The following C22orf31 variants were observed in gnomAD, a reference collection of about 807,000 sequenced individuals.
C22orf31 encodes chromosome 22 open reading frame 31.
Under a neutral mutation model 15.0 loss-of-function variants are expected in C22orf31, and 11 were observed. The ratio of observed to expected loss-of-function variants is 0.73; its 90% CI spans 0.46 to 1.21. The LOEUF (loss-of-function observed/expected upper bound fraction) is 1.21. Among genes scored for constraint, C22orf31 ranks in the 50% most tolerant of loss-of-function variants. C22orf31 has a pLI of 0.00. For synonymous variants in C22orf31, 132 were observed against 133.3 expected (o/e 0.99, Z 0.07); for missense variants, 340 against 347.2 (o/e 0.98, Z 0.17).
chr22:29,072,047 G>A, the C22orf31 span, among the ~76,000 whole-genome samples: 1 of 152,208 alleles, frequency 6.6e-6, no homozygotes, highest in African/African-American at 2.4e-5. Context: ...GGGTCAGTAT[G>A]TGGCTGCAAA....
chr22:29,059,327 G>C, intron 2 of C22orf31, 145 bp from the exon 3 acceptor site: 1 of 667,138 alleles, frequency 1.5e-6, no homozygotes, highest in Non-Finnish European at 2.5e-6. Context: ...ATTCCTTTAT[G>C]TACATACCAC....
chr22:29,068,071 TATCAAAC>T, the C22orf31 span, among the ~76,000 whole-genome samples: 4 of 67,024 alleles, frequency 6.0e-5, no homozygotes, highest in Non-Finnish European at 1.3e-4. Context: ...ATATCAAACA[TATCAAAC>T]CCCGTCTTTT....
intron 2 of C22orf31, chr22:29,059,956 T>C (rs2123898303): frequency 9.1e-6 from 9 of 984,242 alleles, no homozygotes; most frequent in Non-Finnish European, 1.1e-5. Flanking sequence ...ATGCTACACC[T>C]CCTCCCCACA....
At chr22:29,061,910 A>G (rs1364634617), upstream of C22orf31, 1 of 846,338 alleles carries the variant, frequency 1.2e-6, no homozygotes, top group East Asian at 2.7e-5. Flanking sequence ...ATTTCTAGTC[A>G]CCTGTCTTTC....
chr22:29,069,540 T>A, the C22orf31 span, among the ~76,000 whole-genome samples: 1 of 152,168 alleles, frequency 6.6e-6, no homozygotes, highest in Non-Finnish European at 1.5e-5. Flanking sequence ...GTGTCCTCAC[T>A]CTTTCCATGA....
At chr22:29,068,372 G>A in the C22orf31 span, among the ~76,000 whole-genome samples, 1 of 150,500 alleles carries the variant, frequency 6.6e-6, no homozygotes, top group Non-Finnish European at 1.5e-5. Flanking sequence ...TTACAGGCAC[G>A]AGCCATCCTG....
At chr22:29,069,502 C>A in the C22orf31 span, among the ~76,000 whole-genome samples, 27 of 152,180 alleles carry the variant, frequency 1.8e-4, no homozygotes, top group Non-Finnish European at 2.2e-4. Context: ...ACACCAACAT[C>A]TTTCTGGAGG....
upstream of C22orf31, among the ~76,000 whole-genome samples, chr22:29,064,226 G>T (rs961183332): frequency 2.6e-5 from 4 of 152,072 alleles, no homozygotes; most frequent in Admixed American, 6.5e-5. Flanking sequence ...CCTCTCTGTT[G>T]GTCAGCCCAT....
chr22:29,072,480 C>T, the C22orf31 span, among the ~76,000 whole-genome samples: 2 of 152,172 alleles, frequency 1.3e-5, no homozygotes, highest in African/African-American at 2.4e-5. Context: ...GCTATTATCA[C>T]CTCCATTTAA....
chr22:29,060,778 T>C lies in C22orf31; in HGVS notation c.69A>G (p.Leu23=). 1 of 1,614,080 alleles carries C rather than the reference T, an allele frequency of 6.2e-7. No homozygotes were observed. Among genetic ancestry groups the C allele is most frequent in the African/African-American group, 1.3e-5 (1 of 75,032 alleles). ...CATAGCAGTCCTGAAGCCTGGTATTTAATAAGATGGACTGTCGGAGTCCAT... is the reference window on the plus strand; with the variant it reads ...CATAGCAGTCCTGAAGCCTGGTATTCAATAAGATGGACTGTCGGAGTCCAT... ...PIYGLRQSIL[L]NTRLQDCYVD... The change falls in exon 2 of 3, where the codon TTA becomes TTG. Residue 23 remains leucine, a synonymous_variant. Coordinates refer to ENST00000216071, the MANE Select transcript of C22orf31 (RefSeq NM_015370.2).
chr22:29,066,385 C>G (rs1056023470), upstream of C22orf31, among the ~76,000 whole-genome samples: 4 of 152,162 alleles, frequency 2.6e-5, no homozygotes, highest in Admixed American at 1.3e-4. Context: ...CTCGGAGGAC[C>G]AATGATTTGG....
At chr22:29,072,230 G>A in the C22orf31 span, among the ~76,000 whole-genome samples, 2 of 152,098 alleles carry the variant, frequency 1.3e-5, no homozygotes, top group South Asian at 4.2e-4. Context: ...CTGCAAGCCC[G>A]ACCTCCAGGG....
At chr22:29,063,479 C>T (rs1569305360), upstream of C22orf31, among the ~76,000 whole-genome samples, 1 of 152,156 alleles carries the variant, frequency 6.6e-6, no homozygotes, top group African/African-American at 2.4e-5. Context: ...CTCCTTCTTC[C>T]AGCAGAGAGC....
chr22:29,064,276 G>A (rs767209924), upstream of C22orf31, among the ~76,000 whole-genome samples: 1 of 152,182 alleles, frequency 6.6e-6, no homozygotes, highest in Non-Finnish European at 1.5e-5. Flanking sequence ...TCCTGTCCTT[G>A]TCATGAGACT....
chr22:29,064,052 GA>G (rs2037413316), upstream of C22orf31, among the ~76,000 whole-genome samples: 4 of 152,112 alleles, frequency 2.6e-5, no homozygotes, highest in South Asian at 8.3e-4. Flanking sequence ...ATTTTTAGTA[GA>G]GATGGGGTTT....
At position 29,060,439 on chromosome 22, in the gene C22orf31, C is replaced by T. The variant is rs1266750053; in HGVS notation, c.408G>A (p.Arg136=). 2.5e-6 allele frequency: 4 copies of T among 1,613,400 alleles called. No homozygotes were observed. The highest frequency in any genetic ancestry group is 2.2e-5 in the East Asian group (1 of 44,896). The change falls in exon 2 of 3, where the codon AGG becomes AGA. Residue 136 remains arginine, a synonymous_variant. Coordinates refer to ENST00000216071, the MANE Select transcript of C22orf31 (RefSeq NM_015370.2). ...CCTCTCTGATGCCTCCTGCAGGCCT[C>T]CTATGCCCTGCTGGCTGCTTGCTCT... ...SSKSKQPAGH[R]RPAGGIRESK...
Position 29,060,520 on chromosome 22 carries a change from G to A in C22orf31, c.327C>T (p.Asp109=), listed in dbSNP as rs777003703. ...GKLSKRLKHK[D]DSVMKATQQA... is the part of the protein sequence containing the mutation. The stretch of plus-strand genomic sequence containing the variant: ...GCTGGGTGGCTTTCATCACTGAATC[G>A]TCCTTGTGCTTTAATCTCTTCGAGA... Residue 109 remains aspartate (D), a synonymous_variant, in exon 2 of 3, where the codon GAC becomes GAT. Transcript: ENST00000216071. 17 of 1,613,960 alleles carry A rather than the reference G, an allele frequency of 1.1e-5. No homozygotes were observed. Among genetic ancestry groups the A allele is most frequent in the Admixed American group, 1.7e-5 (1 of 60,002 alleles).
chr22:29,066,546 T>C (rs1239246737), upstream of C22orf31, among the ~76,000 whole-genome samples: 2 of 11,008 alleles, frequency 1.8e-4, no homozygotes, highest in Non-Finnish European at 3.4e-4. Flanking sequence ...TTTCTTTTTT[T>C]TTTTTTTTTT....
At chr22:29,067,579 G>A in the C22orf31 span, among the ~76,000 whole-genome samples, 3 of 152,028 alleles carry the variant, frequency 2.0e-5, no homozygotes, top group Non-Finnish European at 4.4e-5. Flanking sequence ...AAGTAGCTGG[G>A]ATTACAGGCA....
Sources: allele counts gnomAD v4.1 joint callset (sites outside exome capture counted in the v4.1 genomes callset), GRCh38; gene constraint gnomAD v4.1.1; transcripts MANE v1.5; gene names NCBI Gene and HGNC (gene_info 2026-07-23, HGNC 2026-07-21).